Variants in FSTL4 observed in about 807,000 individuals in gnomAD.
The protein encoded by FSTL4 is follistatin like 4.
A neutral mutation model predicts 78.2 loss-of-function variants in FSTL4; 28 were observed. That is an observed-to-expected ratio of 0.36 (90% CI 0.27 to 0.49). FSTL4 has a LOEUF of 0.49. Among genes scored for constraint, FSTL4 ranks in the 20% least tolerant of loss-of-function variants. The probability of loss-of-function intolerance (pLI) is 0.98; values close to 1 mark genes in which losing one functional copy is unlikely to be tolerated. For missense variants in FSTL4, 922 were observed against 1,084.9 expected, an observed-to-expected ratio of 0.85 and a Z score of 2.11; for synonymous variants, 422 against 440.5, an observed-to-expected ratio of 0.96 and a Z score of 0.53.
intron 3 of FSTL4, among the ~76,000 whole-genome samples, chr5:133,423,478 G>A (rs888898584): frequency 1.3e-5 from 2 of 152,180 alleles, no homozygotes; most frequent in African/African-American, 2.4e-5. Flanking sequence ...GAACCTCAGC[G>A]GGCAGGGCTG....
At chr5:133,811,352 G>T in the FSTL4 span, among the ~76,000 whole-genome samples, 82 of 152,080 alleles carry the variant, frequency 5.4e-4, no homozygotes, top group Non-Finnish European at 8.8e-4. Context: ...GCCCTTCAAG[G>T]CTTGCTCAGG....
chr5:133,269,038 C>A (rs190947001), intron 6 of FSTL4, among the ~76,000 whole-genome samples: 1 of 151,974 alleles, frequency 6.6e-6, no homozygotes. Flanking sequence ...AAAAATTAGC[C>A]GGGCATGGTG....
At chr5:133,654,010 G>A in the FSTL4 span, among the ~76,000 whole-genome samples, 2 of 152,178 alleles carry the variant, frequency 1.3e-5, no homozygotes, top group Admixed American at 6.5e-5. Context: ...GCTATGAAGG[G>A]CCTTGTGCTG....
chr5:133,510,884 CATCTGTGAGAT>C lies in FSTL4; in HGVS notation c.160+56291_160+56301del, dbSNP rs372615887. ...GGTTCTCTCCTCTGACGTCAAAACC[CATCTGTGAGAT>C]GGGGACATGAAAGCCAGCTCTCGCT... On this transcript the variant is annotated intron_variant, in intron 3 of 15. Transcript: ENST00000265342. Among the ~76,000 whole-genome samples, 112 of 152,244 alleles carry C rather than the reference CATCTGTGAGAT, an allele frequency of 7.4e-4. 1 individual carries two copies. Among genetic ancestry groups the C allele is most frequent in the African/African-American group, 1.3e-3 (52 of 41,554 alleles).
the FSTL4 span, among the ~76,000 whole-genome samples, chr5:133,716,395 A>T: frequency 6.7e-6 from 1 of 149,370 alleles, no homozygotes; most frequent in African/African-American, 2.5e-5. Context: ...ATATATATAT[A>T]TATATTCTTA....
At chr5:133,592,550 T>C (rs1760654452) in intron 2 of FSTL4, among the ~76,000 whole-genome samples, 1 of 152,194 alleles carries the variant, frequency 6.6e-6, no homozygotes, top group African/African-American at 2.4e-5. Flanking sequence ...GTTTGGATGT[T>C]TGTCCCCCGC....
At chr5:133,454,014 C>A (rs575037006) in intron 3 of FSTL4, among the ~76,000 whole-genome samples, 2 of 152,134 alleles carry the variant, frequency 1.3e-5, no homozygotes, top group African/African-American at 4.8e-5. Flanking sequence ...CCTCAATCAG[C>A]GAGTTTTAAT....
intron 3 of FSTL4, among the ~76,000 whole-genome samples, chr5:133,408,522 G>A (rs930509171): frequency 4.0e-5 from 6 of 151,696 alleles, no homozygotes; most frequent in Non-Finnish European, 8.8e-5. Flanking sequence ...ACGCTGCTGT[G>A]GGGGAGCTGA....
At chr5:133,380,503 CT>C (rs1224763383) in intron 4 of FSTL4, among the ~76,000 whole-genome samples, 2 of 151,856 alleles carry the variant, frequency 1.3e-5, no homozygotes, top group Non-Finnish European at 2.9e-5. Flanking sequence ...AATAAGAAAA[CT>C]ATATAAGTAA....
chr5:133,387,836 G>C (rs1011075997), intron 4 of FSTL4: 2 of 152,058 alleles, frequency 1.3e-5, no homozygotes, highest in Non-Finnish European at 2.9e-5. Flanking sequence ...GCACGGGGAG[G>C]CCCGACCGTA....
the FSTL4 span, among the ~76,000 whole-genome samples, chr5:133,636,438 G>A: frequency 1.3e-5 from 2 of 152,198 alleles, no homozygotes; most frequent in African/African-American, 4.8e-5. Context: ...ACCCCTTGGT[G>A]TCCAGTGCTG....
chr5:133,629,625 A>C, the FSTL4 span, among the ~76,000 whole-genome samples: 4 of 152,124 alleles, frequency 2.6e-5, no homozygotes, highest in Non-Finnish European at 4.4e-5. Context: ...AAATAGAGGG[A>C]CTCTTCCCTA....
At chr5:133,472,637 A>T (rs1007894747) in intron 3 of FSTL4, among the ~76,000 whole-genome samples, 1 of 152,274 alleles carries the variant, frequency 6.6e-6, no homozygotes, top group African/African-American at 2.4e-5. Flanking sequence ...ATAGAGAACT[A>T]AATGAAATAC....
At chr5:133,839,692 T>A in the FSTL4 span, among the ~76,000 whole-genome samples, 1 of 152,228 alleles carries the variant, frequency 6.6e-6, no homozygotes, top group Admixed American at 6.5e-5. Flanking sequence ...GTGTCTCAAA[T>A]TGCCTTATGG....
At position 133,568,707 on chromosome 5, in the gene FSTL4, A is replaced by G. The variant is rs151070230; in HGVS notation, c.127-1488T>C. ...AGCCACAGAGCGTATTTTGCACAAA[A>G]CAAACCCAGCTCCTCCCAAACTGTT... On this transcript the variant is annotated intron_variant, in intron 2 of 15. Coordinates refer to ENST00000265342, the MANE Select transcript of FSTL4 (RefSeq NM_015082.2). 2.8e-3 allele frequency among the ~76,000 whole-genome samples: 425 copies of G among 152,302 alleles called. 5 individuals are homozygous for G. The highest frequency in any genetic ancestry group is 0.014 in the Middle Eastern group (4 of 294).
Position 133,225,907 on chromosome 5 carries a change from G to T in FSTL4, c.1016-88C>A, listed in dbSNP as rs1751318673. The T allele has an allele frequency of 9.8e-7, 1 of 1,021,460 alleles. No individual in the cohort carries two copies. Among genetic ancestry groups the T allele is most frequent in the Admixed American group, 2.7e-5 (1 of 36,548 alleles). The allele number at this position is 1,021,460 out of a possible 1,614,324, so 63.3% of individuals were successfully genotyped here. Reference sequence around the variant, plus strand: ...CCCAACCTGAGACCCTGCTCCAGAGGGGGTGAACCCAAGTAGGTGACTGGA... The same window carrying T: ...CCCAACCTGAGACCCTGCTCCAGAGTGGGTGAACCCAAGTAGGTGACTGGA... On this transcript the variant is annotated intron_variant, in intron 8 of 15. Coordinates refer to ENST00000265342, the MANE Select transcript of FSTL4 (RefSeq NM_015082.2). This position sits in a 1 kb window ranked among gnomAD's most constrained non-coding sequence, Gnocchi z 4.6.
chr5:133,741,012 G>A, the FSTL4 span, among the ~76,000 whole-genome samples: 1 of 152,114 alleles, frequency 6.6e-6, no homozygotes, highest in Admixed American at 6.5e-5. Context: ...TTGATGGGCA[G>A]GTGGGTATAT....
At chr5:133,218,068 T>A (rs1434564810) in intron 12 of FSTL4, among the ~76,000 whole-genome samples, 2 of 152,214 alleles carry the variant, frequency 1.3e-5, no homozygotes, top group African/African-American at 4.8e-5. Flanking sequence ...TAGACTTCAA[T>A]AACCAACTGC....
At chr5:133,642,289 C>T in the FSTL4 span, among the ~76,000 whole-genome samples, 3 of 152,190 alleles carry the variant, frequency 2.0e-5, no homozygotes, top group South Asian at 4.2e-4. Flanking sequence ...AAGATGAGTC[C>T]CCAACAGAGC....
Sources: gnomAD v4.1 joint callset for allele counts (sites outside exome capture counted in the v4.1 genomes callset) on GRCh38, gnomAD v4.1.1 for gene constraint, Gnocchi (gnomAD v3.1) non-coding constraint, MANE v1.5 for transcripts, NCBI Gene and HGNC (gene_info 2026-07-23, HGNC 2026-07-21) for gene names.